Variants in KCND3 observed in about 807,000 individuals in gnomAD.
KCND3 encodes the protein potassium voltage-gated channel subfamily D member 3.
Under a neutral mutation model 51.1 loss-of-function variants are expected in KCND3, and 9 were observed. That is an observed-to-expected ratio of 0.18 (90% CI 0.11 to 0.31). The LOEUF is 0.31. Ranked by LOEUF, KCND3 falls within the 10% of genes least tolerant of loss-of-function variation. The pLI is 1.00. For synonymous variants in KCND3, 349 were observed against 368.0 expected, an observed-to-expected ratio of 0.95 and a Z score of 0.59; for missense variants, 526 against 903.8, an observed-to-expected ratio of 0.58 and a Z score of 5.36.
At chr1:111,779,077 C>G (rs957055588) in intron 5 of KCND3, among the ~76,000 whole-genome samples, 1 of 152,146 alleles carries the variant, frequency 6.6e-6, no homozygotes, top group East Asian at 1.9e-4. Context: ...GATGATAAAT[C>G]CTGTAACTAG....
At chr1:111,855,878 G>A (rs1468941113) in intron 2 of KCND3, among the ~76,000 whole-genome samples, 1 of 152,128 alleles carries the variant, frequency 6.6e-6, no homozygotes, top group Non-Finnish European at 1.5e-5. Context: ...GGAGGGAGTG[G>A]GACCAAAGCC....
intron 2 of KCND3, among the ~76,000 whole-genome samples, chr1:111,830,391 T>A (rs944577373): frequency 3.3e-5 from 5 of 152,188 alleles, no homozygotes; most frequent in African/African-American, 1.2e-4. Context: ...TCTTGGCCTA[T>A]ATTCCAGGTA....
chr1:111,930,278 G>C (rs1167556969), intron 2 of KCND3, among the ~76,000 whole-genome samples: 1 of 152,180 alleles, frequency 6.6e-6, no homozygotes, highest in Non-Finnish European at 1.5e-5. Context: ...CCTGGGGCTG[G>C]AGGGAACCCC....
Position 111,846,418 on chromosome 1 carries a change from T to TCTGCTGCTGCTGCTGCTGCTGCTG in KCND3, c.1107-59336_1107-59313dup, listed in dbSNP as rs55653915. On this transcript the variant is annotated intron_variant, in intron 2 of 7. Transcript: ENST00000302127. ...TTTCCTCTGTACACCCATGACACTC[T>TCTGCTGCTGCTGCTGCTGCTGCTG]CTGCTGCTGCTGCTGCTGCTGCTGC... Among the ~76,000 whole-genome samples the TCTGCTGCTGCTGCTGCTGCTGCTG allele has an allele frequency of 1.4e-3, 209 of 150,824 alleles. 2 individuals are homozygous for TCTGCTGCTGCTGCTGCTGCTGCTG. The highest frequency in any genetic ancestry group is 4.9e-3 in the African/African-American group (199 of 40,998).
intron 2 of KCND3, among the ~76,000 whole-genome samples, chr1:111,852,068 G>T (rs1488652924): frequency 6.6e-6 from 1 of 152,220 alleles, no homozygotes; most frequent in Non-Finnish European, 1.5e-5. Flanking sequence ...ACAGGCTCAG[G>T]TTTCTCCCCT....
intron 2 of KCND3, among the ~76,000 whole-genome samples, chr1:111,854,362 A>C (rs1215789135): frequency 4.6e-5 from 7 of 152,196 alleles, no homozygotes; most frequent in African/African-American, 1.7e-4. Context: ...AAGCTGGAGG[A>C]TGTATTTTCA....
intron 2 of KCND3, among the ~76,000 whole-genome samples, chr1:111,924,614 G>A (rs578016259): frequency 6.6e-6 from 1 of 152,298 alleles, no homozygotes; most frequent in African/African-American, 2.4e-5. Context: ...TCCCTACCAG[G>A]ACTTTGTCAG....
At chr1:111,859,793 C>T (rs1414922647) in intron 2 of KCND3, among the ~76,000 whole-genome samples, 1 of 152,194 alleles carries the variant, frequency 6.6e-6, no homozygotes, top group Non-Finnish European at 1.5e-5. Context: ...TATCATATGG[C>T]AACCACTGTC....
chr1:111,899,651 G>A (rs910555606), intron 2 of KCND3, among the ~76,000 whole-genome samples: 10 of 152,334 alleles, frequency 6.6e-5, no homozygotes, highest in African/African-American at 2.4e-4. Flanking sequence ...GACCTGGGAA[G>A]TTGTTTTTAA....
intron 2 of KCND3, among the ~76,000 whole-genome samples, chr1:111,826,889 G>A (rs892849309): frequency 6.6e-6 from 1 of 152,174 alleles, no homozygotes; most frequent in East Asian, 1.9e-4. Context: ...GGTACTACAG[G>A]TTGAGTATCC....
chr1:111,819,768 AC>A (rs1666265249), intron 2 of KCND3, among the ~76,000 whole-genome samples: 1 of 152,170 alleles, frequency 6.6e-6, no homozygotes, highest in South Asian at 2.1e-4. Flanking sequence ...GTCTCCCAGC[AC>A]CTGTCACTGG....
intron 2 of KCND3, among the ~76,000 whole-genome samples, chr1:111,836,268 C>T (rs573154816): frequency 4.6e-5 from 7 of 152,258 alleles, no homozygotes; most frequent in East Asian, 1.9e-4. Flanking sequence ...CAGTTTGGGC[C>T]GCCTGCCTTC....
intron 2 of KCND3, among the ~76,000 whole-genome samples, chr1:111,929,311 A>G (rs1200416333): frequency 1.3e-5 from 2 of 152,098 alleles, no homozygotes; most frequent in Non-Finnish European, 2.9e-5. Context: ...ACTTTACCCA[A>G]GTGGTTTCCA....
chr1:111,780,273 G>T lies in KCND3; in HGVS notation c.1413C>A (p.Leu471=), dbSNP rs879148084. The stretch of plus-strand genomic sequence containing the variant: ...GCAGGTGATGATGCTGGCTCTCGAT[G>T]AGTGAGGTGGTCTTGCCCATGTGCT... The part of the protein sequence containing the change: ...EEEHMGKTTS[L]IESQHHHLLH... Residue 471 remains leucine (L), a synonymous_variant, in exon 5 of 8, where the codon CTC becomes CTA. Coordinates refer to ENST00000302127, the MANE Select transcript of KCND3 (RefSeq NM_001378969.1). This position sits in a 1 kb window ranked among gnomAD's most constrained non-coding sequence, Gnocchi z 4.2. 1 of 1,586,796 alleles carries T rather than the reference G, an allele frequency of 6.3e-7. No homozygotes were observed. Among genetic ancestry groups the T allele is most frequent in the East Asian group, 2.3e-5 (1 of 44,140 alleles).
intron 6 of KCND3, 79 bp downstream of exon 6, chr1:111,778,357 G>A (rs1009671024): frequency 2.9e-5 from 38 of 1,330,274 alleles, no homozygotes; most frequent in South Asian, 9.4e-5. Context: ...GAACCAGGCC[G>A]GGGGGTAAAA....
chr1:111,863,116 G>A (rs1668407936), intron 2 of KCND3, among the ~76,000 whole-genome samples: 1 of 152,210 alleles, frequency 6.6e-6, no homozygotes, highest in Admixed American at 6.5e-5. Flanking sequence ...GCAGGGCTAG[G>A]TGCCTTACAT....
At chr1:111,921,830 G>C (rs1671488025) in intron 2 of KCND3, among the ~76,000 whole-genome samples, 1 of 152,170 alleles carries the variant, frequency 6.6e-6, no homozygotes, top group African/African-American at 2.4e-5. Context: ...AAAGCTGAAA[G>C]GGGTACCCTG....
chr1:111,776,992 A>AGCCT (rs745966594), intron 7 of KCND3, 34 bp downstream of exon 7: 9 of 1,612,288 alleles, frequency 5.6e-6, no homozygotes, highest in Non-Finnish European at 7.6e-6. Context: ...GGATGATTCG[A>AGCCT]GCCTTTGCGG....
intron 2 of KCND3, among the ~76,000 whole-genome samples, chr1:111,793,051 A>C (rs942717041): frequency 6.6e-6 from 1 of 151,512 alleles, no homozygotes; most frequent in Non-Finnish European, 1.5e-5. Context: ...CTTTTTGTAG[A>C]GGTGGGTTTC....
Sources: gnomAD v4.1 joint callset for allele counts (sites outside exome capture counted in the v4.1 genomes callset) on GRCh38, gnomAD v4.1.1 for gene constraint, Gnocchi (gnomAD v3.1) non-coding constraint, MANE v1.5 for transcripts, NCBI Gene and HGNC (gene_info 2026-07-23, HGNC 2026-07-21) for gene names.